EIF3D: variants seen among roughly 807,000 people sequenced by gnomAD.
EIF3D encodes the protein eukaryotic translation initiation factor 3 subunit D, also known as eIF3 p66.
A neutral mutation model predicts 75.4 loss-of-function variants in EIF3D; 10 were observed. The observed-to-expected ratio is 0.13, with a 90% CI of 0.08 to 0.22. The LOEUF (loss-of-function observed/expected upper bound fraction) is 0.22. Among genes scored for constraint, EIF3D ranks in the 10% least tolerant of loss-of-function variants. The pLI is 1.00. For synonymous variants in EIF3D, 246 were observed against 248.3 expected (o/e 0.99, Z 0.09); for missense variants, 394 against 708.0 (o/e 0.56, Z 5.03).
intron 6 of EIF3D, chr22:36,522,986 A>G (rs1934538428): frequency 2.2e-6 from 1 of 458,146 alleles, no homozygotes; most frequent in Non-Finnish European, 4.1e-6. Context: ...ATTCTGTTCT[A>G]GCAACGGAAA....
intron 10 of EIF3D, 114 bp from the exon 11 acceptor site, chr22:36,516,904 C>G: frequency 1.1e-6 from 1 of 939,344 alleles, no homozygotes; most frequent in Non-Finnish European, 1.7e-6. Flanking sequence ...TCCTGGGGCC[C>G]TTGATGGGGC....
intron 14 of EIF3D, 32 bp from the exon 15 acceptor site, chr22:36,511,032 G>A (rs376128698): frequency 6.7e-5 from 107 of 1,602,192 alleles, no homozygotes; most frequent in Non-Finnish European, 8.7e-5. Context: ...AGAGAAATGA[G>A]CCAGGTTGTG....
At chr22:36,524,464 T>C (rs1934564104) in intron 4 of EIF3D, 132 bp downstream of exon 4, 1 of 1,302,608 alleles carries the variant, frequency 7.7e-7, no homozygotes, top group Non-Finnish European at 1.1e-6. Context: ...TATGGAACGG[T>C]GACCCGAGAT....
At chr22:36,523,763 A>T in intron 5 of EIF3D, 132 bp downstream of exon 5, 1 of 849,752 alleles carries the variant, frequency 1.2e-6, no homozygotes, top group Non-Finnish European at 2.0e-6. Flanking sequence ...AAGGGGGCTT[A>T]ACTGGTTGTA....
At chr22:36,527,916 T>A (rs996713813) in intron 1 of EIF3D, among the ~76,000 whole-genome samples, 1 of 152,218 alleles carries the variant, frequency 6.6e-6, no homozygotes, top group African/African-American at 2.4e-5. Context: ...GATTGAGGCT[T>A]CCTTCAGAGA....
chr22:36,518,642 C>T, intron 9 of EIF3D, 121 bp downstream of exon 9: 3 of 1,265,704 alleles, frequency 2.4e-6, no homozygotes, highest in Non-Finnish European at 3.3e-6. Flanking sequence ...TCAGACACTG[C>T]TGCTGTCAAT....
chr22:36,516,318 G>T, intron 12 of EIF3D, 160 bp downstream of exon 12: 1 of 783,776 alleles, frequency 1.3e-6, no homozygotes, highest in Non-Finnish European at 2.0e-6. Flanking sequence ...AAGGAACTAA[G>T]CAGAGGAAAA....
At chr22:36,525,100 T>C (rs767020795) in intron 3 of EIF3D, among the ~76,000 whole-genome samples, 5 of 152,198 alleles carry the variant, frequency 3.3e-5, no homozygotes, top group Admixed American at 6.5e-5. Flanking sequence ...GTATGTCTAA[T>C]AGATCACGAT....
At chr22:36,512,880 C>G (rs1934364371) in intron 12 of EIF3D, 1 of 316,568 alleles carries the variant, frequency 3.2e-6, no homozygotes, top group Non-Finnish European at 6.0e-6. Context: ...CACACACACA[C>G]TTTAGAAGTG....
intron 8 of EIF3D, 82 bp from the exon 9 acceptor site, chr22:36,518,992 T>C (rs1934470488): frequency 6.5e-7 from 1 of 1,544,494 alleles, no homozygotes; most frequent in Non-Finnish European, 8.8e-7. Context: ...AAGAACTCCT[T>C]TGCTGACCAC....
At chr22:36,513,523 G>A (rs771581045) in intron 12 of EIF3D, among the ~76,000 whole-genome samples, 37 of 152,168 alleles carry the variant, frequency 2.4e-4, no homozygotes, top group Non-Finnish European at 3.8e-4. Flanking sequence ...GGCTGGTCTC[G>A]AACTCCTGAC....
intron 13 of EIF3D, 68 bp downstream of exon 13, chr22:36,512,392 G>A: frequency 1.9e-6 from 3 of 1,585,554 alleles, no homozygotes; most frequent in South Asian, 1.1e-5. Flanking sequence ...GGGAGGGGAG[G>A]GTCAACCTCC....
intron 12 of EIF3D, among the ~76,000 whole-genome samples, chr22:36,513,735 G>C (rs1364839189): frequency 6.6e-6 from 1 of 152,174 alleles, no homozygotes; most frequent in Non-Finnish European, 1.5e-5. Context: ...TTTTGGAGAT[G>C]GGGTCTCACT....
chr22:36,525,239 CTTT>C (rs10709824), intron 3 of EIF3D, among the ~76,000 whole-genome samples: 20 of 93,926 alleles, frequency 2.1e-4, no homozygotes, highest in Admixed American at 3.9e-4. Flanking sequence ...AGGGGTTTTA[CTTT>C]TTTTTTTTTT....
chr22:36,520,160 A>AT (rs35646898), intron 7 of EIF3D, among the ~76,000 whole-genome samples: 29,753 of 146,150 alleles, frequency 0.2, 3,021 homozygotes, highest in Middle Eastern at 0.35. Context: ...CTTGGTCTTG[A>AT]TTTTTTTTTT....
intron 11 of EIF3D, 21 bp downstream of exon 11, chr22:36,516,684 C>T (rs1405728098): frequency 6.2e-7 from 1 of 1,614,146 alleles, no homozygotes; most frequent in East Asian, 2.2e-5. Flanking sequence ...GGCCACAATA[C>T]CCACCAGAGA....
intron 12 of EIF3D, among the ~76,000 whole-genome samples, chr22:36,514,659 C>T (rs1934396338): frequency 6.6e-6 from 1 of 152,188 alleles, no homozygotes; most frequent in Admixed American, 6.5e-5. Flanking sequence ...AGGCTCCCAG[C>T]TGACAACTGG....
rs538981018 is a variant in EIF3D at position 36,520,873 on chromosome 22, T to C, written c.466-185A>G. ...AGTTTGAGGCTGCAGTGAGCTATGA[T>C]TGCACTACTGCACTCCAGCCTGAGT... On this transcript the variant is annotated intron_variant, in intron 6 of 14. Transcript: ENST00000216190. Among the ~76,000 whole-genome samples the C allele has an allele frequency of 2.1e-4, 32 of 152,212 alleles. No individual in the cohort carries two copies. The South Asian group carries it at 6.2e-3, about 30-fold the overall frequency.
chr22:36,520,407 C>A (rs1934494384), intron 7 of EIF3D, among the ~76,000 whole-genome samples, 169 bp downstream of exon 7: 1 of 152,150 alleles, frequency 6.6e-6, no homozygotes, highest in African/African-American at 2.4e-5. Flanking sequence ...ACCCACTGCA[C>A]CTGGCCGGTC....
Sources: gnomAD v4.1 joint callset for allele counts (sites outside exome capture counted in the v4.1 genomes callset) on GRCh38, gnomAD v4.1.1 for gene constraint, MANE v1.5 for transcripts, NCBI Gene and HGNC (gene_info 2026-07-23, HGNC 2026-07-21) for gene names.